Variants in FAR2 observed in about 807,000 individuals in gnomAD.
The protein encoded by FAR2 is fatty acyl-CoA reductase 2.
A neutral mutation model predicts 56.0 loss-of-function variants in FAR2; 19 were observed. The ratio of observed to expected loss-of-function variants is 0.34; its 90% CI spans 0.24 to 0.50. The LOEUF is 0.50. Ranked by LOEUF, FAR2 falls within the 20% of genes least tolerant of loss-of-function variation. The pLI is 0.98. For synonymous variants in FAR2, 219 were observed against 218.8 expected (o/e 1.00, Z -0.01); for missense variants, 508 against 642.2 (o/e 0.79, Z 2.26).
At chr12:29,291,233 C>T (rs943452907) in intron 2 of FAR2, among the ~76,000 whole-genome samples, 6 of 152,124 alleles carry the variant, frequency 3.9e-5, no homozygotes, top group Non-Finnish European at 5.9e-5. Context: ...AATTTAAGAA[C>T]AGACATGAAT....
intron 2 of FAR2, among the ~76,000 whole-genome samples, chr12:29,278,118 A>C (rs1308776677): frequency 5.3e-5 from 8 of 151,682 alleles, no homozygotes; most frequent in African/African-American, 1.7e-4. Context: ...TTTTGTACAG[A>C]TGGGATCTCA....
rs117600839 is a variant in FAR2, at chr12:29,167,166, G to A, written c.-39+17759G>A. Among the ~76,000 whole-genome samples, 589 of 152,164 alleles carry A rather than the reference G, an allele frequency of 3.9e-3. 5 individuals carry two copies. The highest frequency in any genetic ancestry group is 6.0e-3 in the Non-Finnish European group (407 of 68,006). ...TACAAATCCATCGCTATCCCCATTGGATACTCTGCTGCTTTCAGCTTCTTT... is the reference window on the plus strand; with the variant it reads ...TACAAATCCATCGCTATCCCCATTGAATACTCTGCTGCTTTCAGCTTCTTT... On this transcript the variant is annotated intron_variant, in intron 1 of 11. Transcript: ENST00000536681.
chr12:29,217,701 C>A (rs1013013499), intron 1 of FAR2, among the ~76,000 whole-genome samples: 1 of 152,112 alleles, frequency 6.6e-6, no homozygotes, highest in African/African-American at 2.4e-5. Flanking sequence ...AACAGTATGC[C>A]TCTCTGGAGA....
intron 1 of FAR2, among the ~76,000 whole-genome samples, chr12:29,165,958 T>C (rs951976143): frequency 7.2e-5 from 11 of 152,246 alleles, no homozygotes; most frequent in African/African-American, 2.4e-4. Context: ...CTTTCTCCTG[T>C]CCTATAGCAG....
At chr12:29,225,061 T>G (rs1031762978) in intron 1 of FAR2, among the ~76,000 whole-genome samples, 4 of 152,044 alleles carry the variant, frequency 2.6e-5, no homozygotes, top group African/African-American at 9.7e-5. Context: ...CATAGCAAGA[T>G]GCCATCTCTG....
chr12:29,152,344 T>G (rs1034043399), intron 1 of FAR2, among the ~76,000 whole-genome samples: 1 of 152,204 alleles, frequency 6.6e-6, no homozygotes, highest in African/African-American at 2.4e-5. Context: ...GTACACCTAG[T>G]CTCTTGCCAA....
At chr12:29,247,022 A>G (rs956308810) in intron 1 of FAR2, among the ~76,000 whole-genome samples, 1 of 152,148 alleles carries the variant, frequency 6.6e-6, no homozygotes, top group African/African-American at 2.4e-5. Context: ...AATAACTAAC[A>G]TACAGAACTA....
intron 1 of FAR2, among the ~76,000 whole-genome samples, chr12:29,220,743 G>A (rs1947676738): frequency 6.6e-6 from 1 of 152,084 alleles, no homozygotes; most frequent in Admixed American, 6.5e-5. Context: ...TCAGAAGAAA[G>A]AATTTGACCA....
chr12:29,180,987 A>G (rs1296152770), intron 1 of FAR2, among the ~76,000 whole-genome samples: 4 of 152,048 alleles, frequency 2.6e-5, no homozygotes, highest in Admixed American at 6.6e-5. Flanking sequence ...CCAAGCACAT[A>G]TATTTTTACA....
At chr12:29,212,560 T>C (rs1283487908) in intron 1 of FAR2, among the ~76,000 whole-genome samples, 3 of 152,222 alleles carry the variant, frequency 2.0e-5, no homozygotes, top group Non-Finnish European at 4.4e-5. Context: ...CATATATAGA[T>C]GACCCCCAAA....
rs539456143 is a variant in FAR2, at chr12:29,264,282, G to A, written c.-38-6130G>A. Among the ~76,000 whole-genome samples the A allele has an allele frequency of 4.7e-4, 71 of 152,068 alleles. 1 individual carries two copies. The highest frequency in any genetic ancestry group is 1.7e-3 in the African/African-American group (70 of 41,490). On this transcript the variant is annotated intron_variant, in intron 1 of 11. Coordinates refer to ENST00000536681, the MANE Select transcript of FAR2 (RefSeq NM_001271783.2). ...TTGATAAAATTCAACATCCCTTTGT[G>A]ATAAAAACACTCAAAAAACTGGGTA...
intron 1 of FAR2, among the ~76,000 whole-genome samples, chr12:29,261,554 A>T (rs1948418340): frequency 6.6e-6 from 1 of 152,234 alleles, no homozygotes; most frequent in Admixed American, 6.5e-5. Flanking sequence ...AGATACCAAT[A>T]TCCAAGTATA....
intron 9 of FAR2, among the ~76,000 whole-genome samples, chr12:29,319,658 G>T (rs1949520047): frequency 1.3e-5 from 2 of 152,160 alleles, no homozygotes; most frequent in South Asian, 4.1e-4. Flanking sequence ...ATGGAGTTTG[G>T]AGTCAGGCTT....
chr12:29,297,159 T>C lies in FAR2; in HGVS notation c.504T>C (p.Tyr168=). Residue 168 remains tyrosine, a synonymous_variant, in exon 4 of 12, where the codon TAT becomes TAC. Transcript: ENST00000536681. The stretch of plus-strand genomic sequence containing the variant: ...TGAAGCACATCGATGAAGTTATCTA[T>C]CCGTGCCCTGTGGAGCCAAAAAAAA... ...CNLKHIDEVI[Y]PCPVEPKKII... The C allele has an allele frequency of 2.5e-6, 4 of 1,613,844 alleles. No homozygotes were observed. The highest frequency in any genetic ancestry group is 3.4e-6 in the Non-Finnish European group (4 of 1,179,904).
intron 1 of FAR2, among the ~76,000 whole-genome samples, chr12:29,239,078 G>C (rs1258343858): frequency 6.6e-6 from 1 of 152,124 alleles, no homozygotes; most frequent in Non-Finnish European, 1.5e-5. Context: ...GAGCTTAATT[G>C]CATCTGTGAA....
chr12:29,324,727 C>G (rs1307309675), intron 10 of FAR2, among the ~76,000 whole-genome samples: 2 of 152,028 alleles, frequency 1.3e-5, no homozygotes, highest in Non-Finnish European at 2.9e-5. Context: ...CCAGGCCTGC[C>G]CTAAAAGAGC....
At chr12:29,286,139 G>A (rs1267864034) in intron 2 of FAR2, among the ~76,000 whole-genome samples, 3 of 152,120 alleles carry the variant, frequency 2.0e-5, no homozygotes, top group African/African-American at 7.2e-5. Context: ...TGGAAATGGA[G>A]TATTGCTGTG....
At chr12:29,260,752 G>C (rs972955715) in intron 1 of FAR2, among the ~76,000 whole-genome samples, 3 of 152,178 alleles carry the variant, frequency 2.0e-5, no homozygotes, top group African/African-American at 7.2e-5. Flanking sequence ...ACCTACCTGG[G>C]TCCAGGAAAA....
At chr12:29,325,151 G>A (rs1949624284) in intron 10 of FAR2, among the ~76,000 whole-genome samples, 1 of 152,150 alleles carries the variant, frequency 6.6e-6, no homozygotes, top group African/African-American at 2.4e-5. Flanking sequence ...AAGAGACAAA[G>A]AAGGCCATTA....
Sources: gnomAD v4.1 joint callset for allele counts (sites outside exome capture counted in the v4.1 genomes callset) on GRCh38, gnomAD v4.1.1 for gene constraint, MANE v1.5 for transcripts, NCBI Gene and HGNC (gene_info 2026-07-23, HGNC 2026-07-21) for gene names.